CHIC2: variants seen among roughly 807,000 people sequenced by gnomAD.
CHIC2 encodes the protein cysteine rich hydrophobic domain 2, also known as cysteine-rich hydrophobic domain-containing protein 2.
CHIC2 carries 14 observed loss-of-function variants against 25.9 expected under a neutral mutation model. The ratio of observed to expected loss-of-function variants is 0.54; its 90% confidence interval spans 0.36 to 0.85. The LOEUF is 0.85. CHIC2 is among the 40% of genes least tolerant of loss of function. The pLI, the probability that CHIC2 is intolerant of heterozygous loss-of-function variation, is 0.01. For missense variants in CHIC2, 146 were observed against 202.0 expected (o/e 0.72, Z 1.68); for synonymous variants, 70 against 72.0 (o/e 0.97, Z 0.14).
At chr4:54,079,368 G>A in the CHIC2 span, among the ~76,000 whole-genome samples, 1 of 151,766 alleles carries the variant, frequency 6.6e-6, no homozygotes, top group African/African-American at 2.4e-5. Flanking sequence ...GATTTTTTTT[G>A]GATGTGATAC....
chr4:54,009,903 A>G lies in CHIC2; in HGVS notation c.*192T>C, dbSNP rs1049612183. 21 of 432,820 alleles carry G rather than the reference A, an allele frequency of 4.9e-5. No homozygotes were observed. The highest frequency in any genetic ancestry group is 3.1e-4 in the African/African-American group (15 of 48,502). The allele number at this position is 432,820 out of a possible 1,614,324, so 26.8% of individuals were successfully genotyped here. On this transcript the variant is annotated 3_prime_UTR_variant, in exon 6 of 6. Transcript: ENST00000263921. ...CTTAAGTATTAAACATCTGTATGAA[A>G]TAACTGTTGCAAAGATTGACAAAAA... is the stretch of plus-strand genomic sequence containing the variant.
intron 3 of CHIC2, among the ~76,000 whole-genome samples, chr4:54,033,226 T>C (rs1716287797): frequency 6.6e-6 from 1 of 152,222 alleles, no homozygotes; most frequent in African/African-American, 2.4e-5. Context: ...CATAGTCTTT[T>C]TAATTTCAGT....
chr4:54,023,068 C>A (rs1012613806), intron 3 of CHIC2, among the ~76,000 whole-genome samples: 2 of 152,088 alleles, frequency 1.3e-5, no homozygotes, highest in Non-Finnish European at 1.5e-5. Context: ...CCCCATAGAT[C>A]CTAATTCCTT....
At chr4:54,013,423 A>G (rs1281117168) in intron 5 of CHIC2, among the ~76,000 whole-genome samples, 1 of 152,112 alleles carries the variant, frequency 6.6e-6, no homozygotes, top group African/African-American at 2.4e-5. Flanking sequence ...TATAAAGGGT[A>G]AAGGTTTCTT....
chr4:54,038,204 G>C (rs1482341954), intron 3 of CHIC2, among the ~76,000 whole-genome samples: 1 of 152,068 alleles, frequency 6.6e-6, no homozygotes, highest in Admixed American at 6.6e-5. Context: ...TGACAACATA[G>C]TTATCTCTGT....
intron 3 of CHIC2, among the ~76,000 whole-genome samples, chr4:54,022,235 TCTGA>T (rs1431184528): frequency 1.3e-5 from 2 of 152,164 alleles, no homozygotes; most frequent in East Asian, 1.9e-4. Flanking sequence ...CCCAAGGCTC[TCTGA>T]CTGACTTCTT....
chr4:54,010,155 G>C lies in CHIC2; in HGVS notation c.448-10C>G. 1 of 1,596,538 alleles carries C rather than the reference G, an allele frequency of 6.3e-7. No individual in the cohort carries two copies. Among genetic ancestry groups the C allele is most frequent in the Non-Finnish European group, 8.6e-7 (1 of 1,166,514 alleles). On this transcript the variant is annotated splice_polypyrimidine_tract_variant and intron_variant, in intron 5 of 5. Transcript: ENST00000263921. ...ATTCTATGAGGATGACCTGTAAAAG[G>C]AGAAGAAAAAGGTTTTAAAAGATTT... is the stretch of plus-strand genomic sequence containing the variant.
chr4:54,059,997 G>A (rs139872635), intron 1 of CHIC2: 3 of 152,218 alleles, frequency 2.0e-5, no homozygotes, highest in Admixed American at 1.3e-4. Flanking sequence ...GAAAGAAGTA[G>A]GAATTATAAA....
intron 3 of CHIC2, among the ~76,000 whole-genome samples, chr4:54,024,198 G>A (rs1577966543): frequency 2.0e-5 from 3 of 152,116 alleles, no homozygotes; most frequent in African/African-American, 7.2e-5. Context: ...CAGCCTCACA[G>A]GCCCATTCTA....
chr4:54,074,133 G>A, the CHIC2 span, among the ~76,000 whole-genome samples: 11 of 152,064 alleles, frequency 7.2e-5, no homozygotes, highest in South Asian at 8.3e-4. Flanking sequence ...ACTCCAGTCC[G>A]GGTGACAGTG....
At chr4:54,031,826 G>T (rs1716237640) in intron 3 of CHIC2, among the ~76,000 whole-genome samples, 2 of 151,954 alleles carry the variant, frequency 1.3e-5, no homozygotes, top group Admixed American at 6.6e-5. Flanking sequence ...CACCATGTTG[G>T]CCAGGCTGGT....
intron 1 of CHIC2, chr4:54,061,200 T>A (rs999688835): frequency 3.9e-5 from 6 of 152,156 alleles, no homozygotes; most frequent in African/African-American, 1.4e-4. Flanking sequence ...TTGCATCCTA[T>A]GTCACAAAAA....
the CHIC2 span, among the ~76,000 whole-genome samples, chr4:54,079,774 A>C: frequency 6.7e-6 from 1 of 149,302 alleles, no homozygotes; most frequent in South Asian, 2.1e-4. Flanking sequence ...GAGAGGTCTC[A>C]GAAATAAAAA....
intron 3 of CHIC2, among the ~76,000 whole-genome samples, chr4:54,036,378 T>C (rs1188999025): frequency 6.6e-6 from 1 of 152,186 alleles, no homozygotes; most frequent in Admixed American, 6.5e-5. Flanking sequence ...AGCATGGCAC[T>C]GGCATCTGCT....
At chr4:54,032,296 C>G (rs1194172583) in intron 3 of CHIC2, among the ~76,000 whole-genome samples, 1 of 132,984 alleles carries the variant, frequency 7.5e-6, no homozygotes, top group Non-Finnish European at 1.6e-5. Flanking sequence ...TCTCCCTCTA[C>G]GGTCTCCCTC....
intron 3 of CHIC2, among the ~76,000 whole-genome samples, chr4:54,047,699 A>C (rs1716877020): frequency 1.3e-5 from 2 of 151,670 alleles, no homozygotes; most frequent in Admixed American, 1.3e-4. Context: ...ACCTAATGTT[A>C]AATGACGAGT....
the CHIC2 span, among the ~76,000 whole-genome samples, chr4:54,073,943 T>G: frequency 6.6e-6 from 1 of 152,040 alleles, no homozygotes; most frequent in Non-Finnish European, 1.5e-5. Flanking sequence ...GATCACAAGG[T>G]CAAGAGATGG....
At chr4:54,066,443 A>G (rs1717520937), upstream of CHIC2, among the ~76,000 whole-genome samples, 1 of 152,204 alleles carries the variant, frequency 6.6e-6, no homozygotes, top group Non-Finnish European at 1.5e-5. Flanking sequence ...ATCATTTAAT[A>G]TTCCCCCAAG....
At chr4:54,010,903 G>A (rs952071436) in intron 5 of CHIC2, among the ~76,000 whole-genome samples, 1 of 151,918 alleles carries the variant, frequency 6.6e-6, no homozygotes, top group Non-Finnish European at 1.5e-5. Context: ...CAAAATTAAA[G>A]GCTAAAATTT....
Sources: allele counts gnomAD v4.1 joint callset (sites outside exome capture counted in the v4.1 genomes callset), GRCh38; gene constraint gnomAD v4.1.1; transcripts MANE v1.5; gene names NCBI Gene and HGNC (gene_info 2026-07-23, HGNC 2026-07-21).